The following ZBBX variants were observed in gnomAD, a reference collection of about 807,000 sequenced individuals.
The protein encoded by ZBBX is zinc finger B-box domain containing.
In ZBBX, 101 loss-of-function variants were observed where a neutral mutation model predicts 108.5. The observed-to-expected ratio is 0.93, with a 90% CI of 0.79 to 1.10. ZBBX has a LOEUF of 1.10. ZBBX is among the 50% of genes least tolerant of loss of function. The pLI is 0.00. For missense variants in ZBBX, 1,009 were observed against 941.4 expected, an observed-to-expected ratio of 1.07 and a Z score of -0.94; for synonymous variants, 356 against 323.4, an observed-to-expected ratio of 1.10 and a Z score of -1.08.
At chr3:167,300,603 C>G (rs552991662) in intron 17 of ZBBX, among the ~76,000 whole-genome samples, 20 of 150,202 alleles carry the variant, frequency 1.3e-4, no homozygotes, top group Admixed American at 2.6e-4. Flanking sequence ...ATCTCCCCCA[C>G]CAACCCTTTT....
intron 1 of ZBBX, among the ~76,000 whole-genome samples, chr3:167,403,401 TGC>T (rs1411602517): frequency 6.6e-6 from 1 of 152,142 alleles, no homozygotes; most frequent in East Asian, 1.9e-4. Flanking sequence ...GAGAATTTGT[TGC>T]CATCATATCT....
chr3:167,360,787 A>G (rs1744380341), intron 6 of ZBBX, 64 bp from the exon 7 acceptor site: 2 of 1,019,814 alleles, frequency 2.0e-6, no homozygotes, highest in Admixed American at 6.2e-5. Context: ...AAAGTTGCCA[A>G]CAAAAATATT....
intron 20 of ZBBX, among the ~76,000 whole-genome samples, chr3:167,280,719 A>G (rs1287515152): frequency 6.6e-6 from 1 of 151,388 alleles, no homozygotes; most frequent in Non-Finnish European, 1.5e-5. Context: ...ATCTAGAACT[A>G]GAAATACCAT....
chr3:167,345,455 TTTTA>T (rs1577053070), intron 9 of ZBBX, among the ~76,000 whole-genome samples: 1 of 152,024 alleles, frequency 6.6e-6, no homozygotes, highest in East Asian at 1.9e-4. Flanking sequence ...ATTTAAAATA[TTTTA>T]TTTTTCTTAA....
downstream of ZBBX, among the ~76,000 whole-genome samples, chr3:167,235,869 C>G (rs1239010371): frequency 6.6e-6 from 1 of 151,604 alleles, no homozygotes; most frequent in Non-Finnish European, 1.5e-5. Flanking sequence ...AACAAACAAT[C>G]ATGGTGTCAC....
chr3:167,273,539 GA>G (rs915124923), intron 20 of ZBBX, among the ~76,000 whole-genome samples: 2 of 152,118 alleles, frequency 1.3e-5, no homozygotes, highest in Admixed American at 6.6e-5. Context: ...ATGACAGGGG[GA>G]GAACTTAGTG....
intron 14 of ZBBX, among the ~76,000 whole-genome samples, chr3:167,316,450 C>T (rs1735471587): frequency 6.6e-6 from 1 of 152,038 alleles, no homozygotes; most frequent in Admixed American, 6.6e-5. Context: ...GTGTATCACA[C>T]CCTAAACCTT....
chr3:167,357,603 C>T (rs1743791817), intron 8 of ZBBX, among the ~76,000 whole-genome samples: 1 of 152,098 alleles, frequency 6.6e-6, no homozygotes, highest in African/African-American at 2.4e-5. Context: ...GGGAAGCAAC[C>T]CAAGTGTCCA....
intron 1 of ZBBX, among the ~76,000 whole-genome samples, chr3:167,402,033 C>A (rs1272095856): frequency 6.6e-6 from 1 of 152,048 alleles, no homozygotes; most frequent in African/African-American, 2.4e-5. Context: ...GGTCAAGACC[C>A]AGGACTTTAC....
chr3:167,208,337 T>TA, the ZBBX span, among the ~76,000 whole-genome samples: 9 of 152,192 alleles, frequency 5.9e-5, no homozygotes, highest in Non-Finnish European at 1.3e-4. Context: ...CTGAGGTGGC[T>TA]AAGGAAGTGC....
At chr3:167,233,837 A>G in the ZBBX span, among the ~76,000 whole-genome samples, 6 of 151,908 alleles carry the variant, frequency 3.9e-5, no homozygotes, top group African/African-American at 1.4e-4. Context: ...ATCCAATCAC[A>G]TATCTCAACA....
At chr3:167,396,662 A>G (rs929174918) in intron 1 of ZBBX, among the ~76,000 whole-genome samples, 1 of 152,070 alleles carries the variant, frequency 6.6e-6, no homozygotes. Flanking sequence ...CTGATTAAGT[A>G]AAAATAAACT....
At chr3:167,404,463 GAGA>G (rs1247724494) in intron 1 of ZBBX, among the ~76,000 whole-genome samples, 4 of 152,116 alleles carry the variant, frequency 2.6e-5, no homozygotes, top group African/African-American at 7.2e-5. Flanking sequence ...AGTATTGTCA[GAGA>G]AGAAGATTTT....
At chr3:167,311,899 C>A (rs997883992) in intron 16 of ZBBX, among the ~76,000 whole-genome samples, 1 of 152,078 alleles carries the variant, frequency 6.6e-6, no homozygotes, top group Non-Finnish European at 1.5e-5. Flanking sequence ...CTAAACATAC[C>A]TGTACCATAT....
chr3:167,212,778 G>A, the ZBBX span, among the ~76,000 whole-genome samples: 3 of 152,120 alleles, frequency 2.0e-5, no homozygotes, highest in African/African-American at 7.2e-5. Context: ...AAGGGAAGAG[G>A]AACCCACAAT....
chr3:167,255,146 T>C (rs966345118), intron 20 of ZBBX, among the ~76,000 whole-genome samples: 1 of 151,984 alleles, frequency 6.6e-6, no homozygotes. Flanking sequence ...AAAAATTATA[T>C]GATAATTAAA....
At chr3:167,192,395 A>G in the ZBBX span, among the ~76,000 whole-genome samples, 1 of 152,228 alleles carries the variant, frequency 6.6e-6, no homozygotes, top group African/African-American at 2.4e-5. Context: ...TTTGCTGGGT[A>G]TAGTATTCTT....
At chr3:167,199,744 T>C in the ZBBX span, among the ~76,000 whole-genome samples, 1 of 152,170 alleles carries the variant, frequency 6.6e-6, no homozygotes, top group Non-Finnish European at 1.5e-5. Context: ...TAAATACTTA[T>C]TTTTAGGAGA....
At chr3:167,284,206 A>ATATATATATAT (rs1560071526) in intron 19 of ZBBX, among the ~76,000 whole-genome samples, 3 of 150,256 alleles carry the variant, frequency 2.0e-5, no homozygotes, top group Non-Finnish European at 3.0e-5. Flanking sequence ...ATATATATAT[A>ATATATATATAT]ATTATCCCTG....
Sources: allele counts gnomAD v4.1 joint callset (sites outside exome capture counted in the v4.1 genomes callset), GRCh38; gene constraint gnomAD v4.1.1; transcripts MANE v1.5; gene names NCBI Gene and HGNC (gene_info 2026-07-23, HGNC 2026-07-21).